Variants in NPPB observed in about 807,000 individuals in gnomAD.
NPPB encodes the protein natriuretic peptide B, also known as natriuretic peptides B.
In NPPB, 13 loss-of-function variants were observed where a neutral mutation model predicts 12.7. The observed-to-expected ratio is 1.03, with a 90% CI of 0.67 to 1.63. The LOEUF (loss-of-function observed/expected upper bound fraction) is 1.63, where lower values mean the gene tolerates loss of function less well. Ranked by LOEUF, NPPB falls within the 40% of genes most tolerant of loss-of-function variation. The probability of loss-of-function intolerance (pLI) is 0.00; values close to 1 mark genes in which losing one functional copy is unlikely to be tolerated. For synonymous variants in NPPB, 66 were observed against 74.7 expected, an observed-to-expected ratio of 0.88 and a Z score of 0.60; for missense variants, 184 against 172.9, an observed-to-expected ratio of 1.06 and a Z score of -0.36.
rs35519114 is a variant in NPPB, at chr1:11,858,870, TCTGCTGCTGCTGCTG to T, written c.-52_-38del. On this transcript the variant is annotated 5_prime_UTR_variant, in exon 1 of 3. Transcript: ENST00000376468. ...GACTGCGGAGGCTGCTGCTGCTGCT[TCTGCTGCTGCTGCTG>T]CTGCTGCGATGCGTCCGGGTTTGCT... 1.7e-5 allele frequency: 28 copies of T among 1,607,664 alleles called. No homozygotes were observed. Among genetic ancestry groups the T allele is most frequent in the Middle Eastern group, 3.4e-4 (2 of 5,898 alleles).
rs765794069 is a variant in NPPB at position 11,857,701 on chromosome 1, GT to G, written c.389-31del. 2.2e-5 allele frequency: 35 copies of G among 1,613,624 alleles called. No individual in the cohort carries two copies. The African/African-American group carries it at 3.7e-4, about 17-fold the overall frequency. Reference sequence around the variant, plus strand: ...CAGGGAAAGAGAGAGGGTGATGATGGTTAGGGTGGGAGATGGAGGCAGGGGC... The same window carrying G: ...CAGGGAAAGAGAGAGGGTGATGATGGTAGGGTGGGAGATGGAGGCAGGGGC... On this transcript the variant is annotated intron_variant, in intron 2 of 2. Transcript: ENST00000376468.
At chr1:11,858,144 C>T (rs201034837) in intron 2 of NPPB, 70 bp downstream of exon 2, 3 of 1,427,398 alleles carry the variant, frequency 2.1e-6, no homozygotes, top group Non-Finnish European at 2.8e-6. Context: ...GACAACAAAC[C>T]CCAAAGTGAC....
At chr1:11,858,116 A>G (rs937409872) in intron 2 of NPPB, 98 bp downstream of exon 2, 12 of 1,201,744 alleles carry the variant, frequency 1.0e-5, no homozygotes, top group Middle Eastern at 2.1e-4. Context: ...CCTTTTCTCA[A>G]AGAGTGTGGT....
chr1:11,858,710 C>T lies in NPPB; in HGVS notation c.124G>A (p.Gly42Arg), dbSNP rs758657926. The change falls in exon 1 of 3, where the codon GGG (glycine) becomes AGG (arginine). Residue 42 changes from glycine (G) to arginine (R), a missense_variant. Coordinates refer to ENST00000376468, the MANE Select transcript of NPPB (RefSeq NM_002521.3). ...PGSASDLETSGLQEQRNHLQG... is the reference protein window; with the variant it reads ...PGSASDLETSRLQEQRNHLQG... ...CTGCCCTCCGCTCTCACCTGTAACC[C>T]GGACGTTTCCAAGTCCGAGGCTGAA... is the stretch of plus-strand genomic sequence containing the variant. 3.1e-6 allele frequency: 5 copies of T among 1,614,182 alleles called. No homozygotes were observed. The highest frequency in any genetic ancestry group is 1.7e-5 in the Admixed American group (1 of 60,018).
At position 11,858,397 on chromosome 1, in the gene NPPB, C is replaced by T; in HGVS notation, c.205G>A (p.Glu69Lys). 6.3e-7 allele frequency: 1 copy of T among 1,587,688 alleles called. No homozygotes were observed. The highest frequency in any genetic ancestry group is 8.6e-7 in the Non-Finnish European group (1 of 1,165,858). The change falls in exon 2 of 3, where the codon GAG (glutamate) becomes AAG (lysine). Residue 69 changes from glutamate to lysine, a missense_variant. By Grantham distance (56) the Glu-to-Lys change is moderately conservative (BLOSUM62 1). Transcript: ENST00000376468. The stretch of plus-strand genomic sequence containing the variant: ...CAGACACCTGTGGGACGGGGGCTCT[C>T]CTGGAGGGGCTCCAGGGATGTCTGC... Reference protein sequence around the residue: ...VEQTSLEPLQESPRPTGVWKS... With the variant: ...VEQTSLEPLQKSPRPTGVWKS...
In NPPB at chr1:11,857,481, A is replaced by C; in HGVS notation, c.*174T>G. 1.6e-6 allele frequency: 1 copy of C among 625,710 alleles called. No homozygotes were observed. Among genetic ancestry groups the C allele is most frequent in the Non-Finnish European group, 2.9e-6 (1 of 349,032 alleles). The allele number at this position is 625,710 out of a possible 1,614,324, so 38.8% of individuals were successfully genotyped here. On this transcript the variant is annotated 3_prime_UTR_variant, in exon 3 of 3. Transcript: ENST00000376468. ...TCAAAAGATAAAGCTTATAATGTTGACTTTATTTCACCGTGGAAATTTTGT... is the reference window on the plus strand; with the variant it reads ...TCAAAAGATAAAGCTTATAATGTTGCCTTTATTTCACCGTGGAAATTTTGT...
At position 11,858,824 on chromosome 1, in the gene NPPB, G is replaced by A. The variant is rs1163479003; in HGVS notation, c.10C>T (p.Gln4Ter). 24 of 1,614,164 alleles carry A rather than the reference G, an allele frequency of 1.5e-5. No individual in the cohort carries two copies. The highest frequency in any genetic ancestry group is 2.0e-5 in the Non-Finnish European group (24 of 1,180,026). MDP[Q>*]TAPSRALLLL... is the part of the protein sequence containing the mutation. ...AGGAGCGCCCGGGAAGGTGCTGTCT[G>A]GGGATCCATGTCTCTGGAGGGACTG... is the stretch of plus-strand genomic sequence containing the variant. Residue 4 changes from glutamine (Q) to a stop codon, truncating the protein, a stop_gained, in exon 1 of 3, where the codon CAG (glutamine) becomes TAG (stop). Coordinates refer to ENST00000376468, the MANE Select transcript of NPPB (RefSeq NM_002521.3). LOFTEE classifies it high-confidence loss of function.
chr1:11,858,658 T>C (rs1645135441), intron 1 of NPPB, 44 bp downstream of exon 1: 2 of 1,613,744 alleles, frequency 1.2e-6, no homozygotes, highest in Non-Finnish European at 1.7e-6. Flanking sequence ...GAGGACCCTT[T>C]CATTGCTGCT....
Position 11,858,854 on chromosome 1 carries a change from GGCT to G in NPPB, c.-24_-22del, listed in dbSNP as rs750602581. ...TCCATGTCTCTGGAGGGACTGCGGA[GGCT>G]GCTGCTGCTGCTTCTGCTGCTGCTG... On this transcript the variant is annotated 5_prime_UTR_variant, in exon 1 of 3. Transcript: ENST00000376468. 3.5e-4 allele frequency: 568 copies of G among 1,608,960 alleles called. 7 individuals are homozygous for G. In the South Asian group the frequency reaches 5.6e-3, roughly 16 times the overall value.
In NPPB at chr1:11,858,926, G is replaced by A; in HGVS notation, c.-93C>T. ...CGGGTTTGCTTCCCACCTGCCCTCA[G>A]CCTGCGGGGTGCTCCTCCTGGCTCC... On this transcript the variant is annotated 5_prime_UTR_variant, in exon 1 of 3. Transcript: ENST00000376468. 6.3e-7 allele frequency: 1 copy of A among 1,594,436 alleles called. No homozygotes were observed. The highest frequency in any genetic ancestry group is 1.1e-5 in the South Asian group (1 of 89,572).
At position 11,857,553 on chromosome 1, in the gene NPPB, A is replaced by G. The variant is rs1169177856; in HGVS notation, c.*102T>C. 1.0e-5 allele frequency: 11 copies of G among 1,090,518 alleles called. No homozygotes were observed. Among genetic ancestry groups the G allele is most frequent in the Middle Eastern group, 2.0e-4 (1 of 4,926 alleles). The allele number at this position is 1,090,518 out of a possible 1,614,324, so 67.6% of individuals were successfully genotyped here. Reference sequence around the variant, plus strand: ...TTATATAAAACAATCAAATAAATACATAAATACATTAAAAAAATGAGTCAC... The same window carrying G: ...TTATATAAAACAATCAAATAAATACGTAAATACATTAAAAAAATGAGTCAC... On this transcript the variant is annotated 3_prime_UTR_variant, in exon 3 of 3. Coordinates refer to ENST00000376468, the MANE Select transcript of NPPB (RefSeq NM_002521.3).
Position 11,858,280 on chromosome 1 carries a change from G to C in NPPB, c.322C>G (p.Gln108Glu), listed in dbSNP as rs778299284. The C allele has an allele frequency of 6.2e-7, 1 of 1,614,102 alleles. No homozygotes were observed. The part of the protein sequence containing the change: ...LRAPRSPKMV[Q>E]GSGCFGRKMD... ...TTCCTCCCAAAGCAGCCAGACCCTT[G>C]CACCATCTTGGGGCTTCGTGGTGCC... Residue 108 changes from glutamine to glutamate, a missense_variant, in exon 2 of 3, where the codon CAA becomes GAA. Coordinates refer to ENST00000376468, the MANE Select transcript of NPPB (RefSeq NM_002521.3).
intron 2 of NPPB, 86 bp downstream of exon 2, chr1:11,858,128 C>G: frequency 7.7e-7 from 1 of 1,305,064 alleles, no homozygotes; most frequent in Non-Finnish European, 1.1e-6. Flanking sequence ...GAGTGTGGTT[C>G]CCAGAGACAA....
chr1:11,858,471 T>G lies in NPPB; in HGVS notation c.133-2A>C, dbSNP rs746522696. 1 of 1,535,356 alleles carries G rather than the reference T, an allele frequency of 6.5e-7. No homozygotes were observed. Among genetic ancestry groups the G allele is most frequent in the African/African-American group, 1.4e-5 (1 of 72,526 alleles). On this transcript the variant is annotated splice_acceptor_variant, in intron 1 of 2. Transcript: ENST00000376468. LOFTEE classifies it high-confidence loss of function. ...GCCCTGCAAATGGTTGCGCTGCTCC[T>G]GCAATGAATGGGGGCGTCCAAGCCT...
rs763718693 is a variant in NPPB, at chr1:11,858,804, C to G, written c.30G>C (p.Ala10=). MDPQTAPSR[A]LLLLLFLHLA... is the part of the protein sequence containing the mutation. Reference sequence around the variant, plus strand: ...GATGCAAGAAGAGCAGGAGCAGGAGCGCCCGGGAAGGTGCTGTCTGGGGAT... The same window carrying G: ...GATGCAAGAAGAGCAGGAGCAGGAGGGCCCGGGAAGGTGCTGTCTGGGGAT... Residue 10 remains alanine, a synonymous_variant, in exon 1 of 3, where the codon GCG becomes GCC. Coordinates refer to ENST00000376468, the MANE Select transcript of NPPB (RefSeq NM_002521.3). 15 of 1,614,182 alleles carry G rather than the reference C, an allele frequency of 9.3e-6. No homozygotes were observed. The highest frequency in any genetic ancestry group is 1.7e-5 in the Admixed American group (1 of 60,022).
At position 11,857,659 on chromosome 1, in the gene NPPB, T is replaced by C. The variant is rs779526222; in HGVS notation, c.401A>G (p.His134Arg). ...SGLGCKVLRR[H>R] ...GTCTGCAGCCAGGACTTCCTCTTAA[T>C]GCCGCCTCAGCACTGTCAGGGAAAG... The change falls in exon 3 of 3, where the codon CAT (histidine) becomes CGT (arginine). Residue 134 changes from histidine (H) to arginine (R), a missense_variant. Coordinates refer to ENST00000376468, the MANE Select transcript of NPPB (RefSeq NM_002521.3). 1 of 1,614,088 alleles carries C rather than the reference T, an allele frequency of 6.2e-7. No individual in the cohort carries two copies. The highest frequency in any genetic ancestry group is 1.1e-5 in the South Asian group (1 of 91,056).
rs777336949 is a variant in NPPB, at chr1:11,858,766, C to G, written c.68G>C (p.Gly23Ala). The change falls in exon 1 of 3, where the codon GGA becomes GCA. Residue 23 changes from glycine to alanine, a missense_variant. By Grantham distance (60) the Gly-to-Ala change is moderately conservative. Coordinates refer to ENST00000376468, the MANE Select transcript of NPPB (RefSeq NM_002521.3). Reference sequence around the variant, plus strand: ...GCTGCCCAGCGGGTGGGAACGACCTCCCAGGAAAGCCAGATGCAAGAAGAG... The same window carrying G: ...GCTGCCCAGCGGGTGGGAACGACCTGCCAGGAAAGCCAGATGCAAGAAGAG... ...LLLFLHLAFL[G>A]GRSHPLGSPG... 6.2e-7 allele frequency: 1 copy of G among 1,614,176 alleles called. No individual in the cohort carries two copies. The highest frequency in any genetic ancestry group is 1.1e-5 in the South Asian group (1 of 91,078).
chr1:11,858,671 C>T, intron 1 of NPPB, 31 bp downstream of exon 1: 1 of 1,614,172 alleles, frequency 6.2e-7, no homozygotes, highest in Non-Finnish European at 8.5e-7. Context: ...TTGCTGCTGT[C>T]CAATCCCCCT....
In NPPB at chr1:11,857,649, T is replaced by A. The variant is rs1193484462; in HGVS notation, c.*6A>T. On this transcript the variant is annotated 3_prime_UTR_variant, in exon 3 of 3. Transcript: ENST00000376468. ...AGAAGCAGGTGTCTGCAGCCAGGAC[T>A]TCCTCTTAATGCCGCCTCAGCACTG... The A allele has an allele frequency of 4.3e-6, 7 of 1,613,952 alleles. No homozygotes were observed. In the African/African-American group the frequency reaches 8.0e-5, roughly 18 times the overall value.
Sources: allele counts gnomAD v4.1 joint callset, GRCh38; gene constraint gnomAD v4.1.1; transcripts MANE v1.5; gene names NCBI Gene and HGNC (gene_info 2026-07-23, HGNC 2026-07-21).